The following FAT4 variants were observed in gnomAD, a reference collection of about 807,000 sequenced individuals.
FAT4 encodes the protein protocadherin Fat 4.
FAT4 carries 84 observed loss-of-function variants against 303.9 expected under a neutral mutation model. The ratio of observed to expected loss-of-function variants is 0.28; its 90% CI spans 0.23 to 0.33. The LOEUF (loss-of-function observed/expected upper bound fraction) is 0.33. Among genes scored for constraint, FAT4 ranks in the 10% least tolerant of loss-of-function variants. FAT4 has a pLI of 1.00. For synonymous variants in FAT4, 2,307 were observed against 2,298.8 expected (o/e 1.00, Z -0.10); for missense variants, 6,005 against 6,146.8 (o/e 0.98, Z 0.77).
chr4:125,442,039 G>A (rs1268997744), intron 8 of FAT4, among the ~76,000 whole-genome samples: 1 of 152,178 alleles, frequency 6.6e-6, no homozygotes, highest in Non-Finnish European at 1.5e-5. Flanking sequence ...ATGGTAAGCT[G>A]AGTATTGCAA....
chr4:125,316,646 G>A lies in FAT4; in HGVS notation c.235G>A (p.Ala79Thr). Residue 79 changes from alanine (A) to threonine (T), a missense_variant, in exon 2 of 18, where the codon GCC becomes ACC. Ala to Thr is a moderately conservative substitution (Grantham distance 58). Coordinates refer to ENST00000394329, the MANE Select transcript of FAT4 (RefSeq NM_001291303.3). The surrounding 1 kb of genome is among the most constrained non-coding windows in gnomAD (Gnocchi z 5.7). Reference sequence around the variant, plus strand: ...CACCTACAGGCTCAGCGAAAGCCACGCCCTGTTTGCCATAAACAGTAGCAC... The same window carrying A: ...CACCTACAGGCTCAGCGAAAGCCACACCCTGTTTGCCATAAACAGTAGCAC... ...GFTYRLSESHALFAINSSTGA... is the reference protein window; with the variant it reads ...GFTYRLSESHTLFAINSSTGA... 3.7e-6 allele frequency: 6 copies of A among 1,613,670 alleles called. No homozygotes were observed. The highest frequency in any genetic ancestry group is 5.1e-6 in the Non-Finnish European group (6 of 1,180,018).
intron 14 of FAT4, among the ~76,000 whole-genome samples, chr4:125,478,279 C>T (rs575619408): frequency 2.0e-5 from 3 of 152,194 alleles, no homozygotes; most frequent in East Asian, 1.9e-4. Flanking sequence ...CACACTAGTT[C>T]GTTATTATTA....
At chr4:125,479,055 C>T (rs143251734) in intron 14 of FAT4, among the ~76,000 whole-genome samples, 3 of 152,210 alleles carry the variant, frequency 2.0e-5, no homozygotes, top group East Asian at 1.9e-4. Context: ...CATGGCAGTA[C>T]GCTTTCACTT....
intron 7 of FAT4, among the ~76,000 whole-genome samples, chr4:125,430,412 G>T (rs1725245998): frequency 6.6e-6 from 1 of 152,112 alleles, no homozygotes; most frequent in South Asian, 2.1e-4. Context: ...CAACAAGCAA[G>T]ATGTTGTAGT....
At chr4:125,329,829 C>T (rs1206899845) in intron 2 of FAT4, among the ~76,000 whole-genome samples, 1 of 152,152 alleles carries the variant, frequency 6.6e-6, no homozygotes, top group African/African-American at 2.4e-5. Flanking sequence ...TCTGATTGAT[C>T]AGGTCAAAAA....
chr4:125,475,650 A>G (rs1727002827), intron 12 of FAT4, among the ~76,000 whole-genome samples: 1 of 152,124 alleles, frequency 6.6e-6, no homozygotes, highest in African/African-American at 2.4e-5. Flanking sequence ...ACAAATTTCA[A>G]ATTTTAATCC....
Position 125,450,130 on chromosome 4 carries a change from G to A in FAT4, c.9120G>A (p.Thr3040=), listed in dbSNP as rs749702080. The A allele has an allele frequency of 1.5e-5, 25 of 1,613,624 alleles. No individual in the cohort carries two copies. Among genetic ancestry groups the A allele is most frequent in the African/African-American group, 8.0e-5 (6 of 74,996 alleles). The change falls in exon 10 of 18, where the codon ACG becomes ACA. Residue 3040 remains threonine (T), a synonymous_variant. Coordinates refer to ENST00000394329, the MANE Select transcript of FAT4 (RefSeq NM_001291303.3). ...GAAAATTTAAGTTGGACAATGATACGGGGTGGATTTCAGTAGCATCCTCCC... is the reference window on the plus strand; with the variant it reads ...GAAAATTTAAGTTGGACAATGATACAGGGTGGATTTCAGTAGCATCCTCCC... The part of the protein sequence containing the change: ...HLGKFKLDND[T]GWISVASSLI...
intron 2 of FAT4, among the ~76,000 whole-genome samples, chr4:125,324,006 T>C (rs1269690188): frequency 2.0e-5 from 3 of 152,188 alleles, no homozygotes; most frequent in East Asian, 3.8e-4. Context: ...CTAATGACTA[T>C]GACTCTGATA....
chr4:125,416,079 A>G (rs530943894), intron 6 of FAT4, among the ~76,000 whole-genome samples: 1 of 152,264 alleles, frequency 6.6e-6, no homozygotes, highest in South Asian at 2.1e-4. Context: ...GTGTTTTTGA[A>G]TTTTGTTCCA....
Position 125,318,634 on chromosome 4 carries a change from G to C in FAT4, c.2223G>C (p.Gln741His). ...GGTCTCGGTTTCAGGTCAATGCTCA[G>C]AGTGGGGTTATTTCTACAAGAATGG... ...GDRSRFQVNA[Q>H]SGVISTRMAL... Residue 741 changes from glutamine to histidine, a missense_variant, in exon 2 of 18, where the codon CAG (glutamine) becomes CAC (histidine). Transcript: ENST00000394329. 2 of 1,614,154 alleles carry C rather than the reference G, an allele frequency of 1.2e-6. No homozygotes were observed. Among genetic ancestry groups the C allele is most frequent in the Non-Finnish European group, 1.7e-6 (2 of 1,180,044 alleles).
rs564151439 is a variant in FAT4, at chr4:125,449,368, T to C, written c.8358T>C (p.Asn2786=). 2 of 1,613,768 alleles carry C rather than the reference T, an allele frequency of 1.2e-6. No homozygotes were observed. The highest frequency in any genetic ancestry group is 2.7e-5 in the African/African-American group (2 of 75,018). ...SQIFSAHVPE[N]SPLGYTVTRV... ...TATTTAGTGCCCATGTTCCTGAAAA[T>C]TCCCCCTTAGGATACACAGTTACCC... The change falls in exon 10 of 18, where the codon AAT becomes AAC. Residue 2786 remains asparagine (N), a synonymous_variant. Coordinates refer to ENST00000394329, the MANE Select transcript of FAT4 (RefSeq NM_001291303.3).
At chr4:125,404,463 A>T (rs937102334) in intron 3 of FAT4, among the ~76,000 whole-genome samples, 19 of 152,166 alleles carry the variant, frequency 1.2e-4, no homozygotes, top group African/African-American at 4.6e-4. Context: ...TTTGTTCTAT[A>T]TTAAAATTGT....
At chr4:125,460,857 C>T (rs1726459366) in intron 10 of FAT4, among the ~76,000 whole-genome samples, 1 of 151,936 alleles carries the variant, frequency 6.6e-6, no homozygotes, top group South Asian at 2.1e-4. Context: ...GAGGAATAGC[C>T]ATTATTAATT....
At position 125,491,743 on chromosome 4, in the gene FAT4, A is replaced by G. The variant is rs1286448012; in HGVS notation, c.14927A>G (p.Asp4976Gly). 6.2e-7 allele frequency: 1 copy of G among 1,613,232 alleles called. No individual in the cohort carries two copies. The highest frequency in any genetic ancestry group is 1.7e-5 in the Admixed American group (1 of 59,908). ...GGGACAACTAAACCAGTCCCCAAAG[A>G]TGGGGAAGCAGAACAGTATGTGTGA... ...KAGTTKPVPK[D>G]GEAEQYV The change falls in exon 18 of 18, where the codon GAT becomes GGT. Residue 4976 changes from aspartate (D) to glycine (G), a missense_variant. By Grantham distance (94) the Asp-to-Gly change is moderately conservative. Coordinates refer to ENST00000394329, the MANE Select transcript of FAT4 (RefSeq NM_001291303.3).
chr4:125,479,244 T>C (rs11946343), intron 14 of FAT4, among the ~76,000 whole-genome samples: 58,279 of 152,022 alleles, frequency 0.38, 11,208 homozygotes, highest in Middle Eastern at 0.46. Context: ...TCTATAGCTA[T>C]TTTTTTCTTT....
chr4:125,331,290 A>G (rs1456820325), intron 2 of FAT4, among the ~76,000 whole-genome samples: 1 of 152,166 alleles, frequency 6.6e-6, no homozygotes, highest in African/African-American at 2.4e-5. Context: ...TTGATAAGCT[A>G]AGGATTTACT....
chr4:125,440,606 T>TGAGAGAGAGAGAGA (rs777627667), intron 8 of FAT4, among the ~76,000 whole-genome samples: 284 of 29,630 alleles, frequency 9.6e-3, no homozygotes, highest in South Asian at 0.016. Flanking sequence ...TGTGTGTGTG[T>TGAGAGAGAGAGAGA]GTGTGAGAGA....
chr4:125,425,482 GC>G (rs1261815763), intron 7 of FAT4, among the ~76,000 whole-genome samples: 3 of 151,986 alleles, frequency 2.0e-5, no homozygotes, highest in Non-Finnish European at 4.4e-5. Flanking sequence ...GGTTTAGGAA[GC>G]AAAAAATCTT....
chr4:125,372,234 C>A (rs1172339321), intron 2 of FAT4, among the ~76,000 whole-genome samples: 1 of 151,848 alleles, frequency 6.6e-6, no homozygotes, highest in Non-Finnish European at 1.5e-5. Flanking sequence ...TGGTGGTACA[C>A]ACCTGCAGTT....
Sources: gnomAD v4.1 joint callset for allele counts (sites outside exome capture counted in the v4.1 genomes callset) on GRCh38, gnomAD v4.1.1 for gene constraint, Gnocchi (gnomAD v3.1) non-coding constraint, MANE v1.5 for transcripts, NCBI Gene and HGNC (gene_info 2026-07-23, HGNC 2026-07-21) for gene names.